Variants in ZSCAN23 observed in about 807,000 individuals in gnomAD.
The protein encoded by ZSCAN23 is zinc finger and SCAN domain-containing protein 23.
Under a neutral mutation model 19.3 loss-of-function variants are expected in ZSCAN23, and 19 were observed. That is an observed-to-expected ratio of 0.99 (90% CI 0.69 to 1.45). The LOEUF is 1.45. Among genes scored for constraint, ZSCAN23 ranks in the 40% most tolerant of loss-of-function variants. ZSCAN23 has a pLI of 0.00. For missense variants in ZSCAN23, 372 were observed against 462.5 expected, an observed-to-expected ratio of 0.80 and a Z score of 1.79; for synonymous variants, 140 against 166.2, an observed-to-expected ratio of 0.84 and a Z score of 1.21.
chr6:28,434,496 C>T lies in ZSCAN23; in HGVS notation c.1139G>A (p.Arg380Gln), dbSNP rs145918786. 3.7e-5 allele frequency: 57 copies of T among 1,548,752 alleles called. No individual in the cohort carries two copies. The East Asian group carries it at 6.1e-4, about 17-fold the overall frequency. ...FIYHCNLIQH[R>Q]KVHPVAESS Reference sequence around the variant, plus strand: ...TGATTCAGCCACTGGGTGGACTTTCCGATGCTGGATTAGGTTGCAATGGTA... The same window carrying T: ...TGATTCAGCCACTGGGTGGACTTTCTGATGCTGGATTAGGTTGCAATGGTA... Residue 380 changes from arginine (R) to glutamine (Q), a missense_variant, in exon 4 of 4, where the codon CGG (arginine) becomes CAG (glutamine). Transcript: ENST00000289788.
At chr6:28,442,104 C>A (rs529160273) in intron 1 of ZSCAN23, among the ~76,000 whole-genome samples, 5 of 151,942 alleles carry the variant, frequency 3.3e-5, no homozygotes, top group Non-Finnish European at 1.5e-5. Flanking sequence ...CTCGAACTCC[C>A]GACCTCACGT....
At chr6:28,438,605 T>C (rs139780700) in intron 1 of ZSCAN23, among the ~76,000 whole-genome samples, 5 of 152,226 alleles carry the variant, frequency 3.3e-5, no homozygotes, top group Middle Eastern at 3.4e-3. Context: ...GAAGCAAACA[T>C]GTCCTTCTTC....
At chr6:28,422,679 T>C in the ZSCAN23 span, among the ~76,000 whole-genome samples, 3 of 151,632 alleles carry the variant, frequency 2.0e-5, no homozygotes, top group African/African-American at 7.3e-5. The surrounding 1 kb of genome is among the most constrained non-coding windows in gnomAD (Gnocchi z 4.0). Context: ...AACTGAACCA[T>C]GCAAGGTAAC....
the ZSCAN23 span, among the ~76,000 whole-genome samples, chr6:28,424,440 T>C: frequency 6.6e-5 from 10 of 152,318 alleles, no homozygotes; most frequent in African/African-American, 2.4e-4. Flanking sequence ...TGAAGTTTGC[T>C]GCATCAGTTG....
intron 1 of ZSCAN23, among the ~76,000 whole-genome samples, chr6:28,436,940 T>A (rs181113199): frequency 6.6e-6 from 1 of 152,338 alleles, no homozygotes; most frequent in East Asian, 1.9e-4. Context: ...TTGGGCTTCA[T>A]GTTTTGAGCC....
chr6:28,440,945 T>G (rs997662295), intron 1 of ZSCAN23, among the ~76,000 whole-genome samples: 1 of 152,208 alleles, frequency 6.6e-6, no homozygotes, highest in Non-Finnish European at 1.5e-5. Context: ...CTTCCCCAGT[T>G]TTTTGTAATA....
chr6:28,427,616 A>G (rs1280896785), downstream of ZSCAN23, among the ~76,000 whole-genome samples: 2 of 152,256 alleles, frequency 1.3e-5, no homozygotes. Flanking sequence ...GAAAAGGTAT[A>G]GTAAAAATAT....
At chr6:28,441,873 A>T (rs1433713321) in intron 1 of ZSCAN23, among the ~76,000 whole-genome samples, 2 of 130,822 alleles carry the variant, frequency 1.5e-5, no homozygotes, top group African/African-American at 5.9e-5. Flanking sequence ...TCTGGTTGTT[A>T]ATTTTTTTTT....
downstream of ZSCAN23, among the ~76,000 whole-genome samples, chr6:28,430,690 G>T (rs2114028902): frequency 6.6e-6 from 1 of 152,230 alleles, no homozygotes; most frequent in Admixed American, 6.5e-5. Flanking sequence ...ATGATCTTGA[G>T]TCAATTGCTG....
chr6:28,439,261 A>AT (rs34612580), intron 1 of ZSCAN23, among the ~76,000 whole-genome samples: 2 of 151,734 alleles, frequency 1.3e-5, no homozygotes, highest in Admixed American at 6.6e-5. Flanking sequence ...TAATTTTTGT[A>AT]TTTTTTTGGT....
intron 1 of ZSCAN23, among the ~76,000 whole-genome samples, chr6:28,440,784 T>C (rs1264048303): frequency 6.6e-6 from 1 of 152,210 alleles, no homozygotes; most frequent in Non-Finnish European, 1.5e-5. Context: ...TTATACAGTT[T>C]CCCAAATACA....
At chr6:28,429,856 C>G (rs1252698188), downstream of ZSCAN23, among the ~76,000 whole-genome samples, 1 of 152,116 alleles carries the variant, frequency 6.6e-6, no homozygotes, top group African/African-American at 2.4e-5. Context: ...TAGAAGAGAC[C>G]AGGACACCGC....
rs1761791775 is a variant in ZSCAN23, at chr6:28,433,045, C to G, written c.*1420G>C. On this transcript the variant is annotated 3_prime_UTR_variant, in exon 4 of 4. Transcript: ENST00000289788. Reference sequence around the variant, plus strand: ...TACTGAGTAAATTAAATTTTAAAAGCTAAAAATAATAATTACAAAAATAAA... The same window carrying G: ...TACTGAGTAAATTAAATTTTAAAAGGTAAAAATAATAATTACAAAAATAAA... The G allele has an allele frequency of 1.3e-5, 2 of 151,718 alleles. No individual in the cohort carries two copies. Among genetic ancestry groups the G allele is most frequent in the South Asian group, 4.2e-4 (2 of 4,808 alleles). 9.4% of individuals were successfully genotyped at this position (151,718 alleles called of 1,614,324 possible).
At chr6:28,442,343 A>C (rs903760911) in intron 1 of ZSCAN23, among the ~76,000 whole-genome samples, 1 of 152,262 alleles carries the variant, frequency 6.6e-6, no homozygotes, top group African/African-American at 2.4e-5. Flanking sequence ...ATAAACATGC[A>C]AATTAATCTT....
chr6:28,437,443 C>T (rs892397684), intron 1 of ZSCAN23, among the ~76,000 whole-genome samples: 10 of 152,118 alleles, frequency 6.6e-5, no homozygotes, highest in Admixed American at 2.6e-4. Context: ...ATTAGCTGGG[C>T]TTGGTGGCAC....
chr6:28,434,754 T>C lies in ZSCAN23; in HGVS notation c.881A>G (p.Gln294Arg). 6.2e-7 allele frequency: 1 copy of C among 1,603,080 alleles called. No homozygotes were observed. Among genetic ancestry groups the C allele is most frequent in the Non-Finnish European group, 8.5e-7 (1 of 1,174,554 alleles). ...RAFSQRSGLF[Q>R]HQRLHTGEKR... The stretch of plus-strand genomic sequence containing the variant: ...CTCCCCAGTGTGGAGTCTCTGGTGC[T>C]GGAATAGGCCTGACCTCTGGCTGAA... The change falls in exon 4 of 4, where the codon CAG becomes CGG. Residue 294 changes from glutamine (Q) to arginine (R), a missense_variant. Transcript: ENST00000289788.
chr6:28,422,758 T>C, the ZSCAN23 span, among the ~76,000 whole-genome samples: 1 of 152,086 alleles, frequency 6.6e-6, no homozygotes, highest in Non-Finnish European at 1.5e-5. The surrounding 1 kb of genome is among the most constrained non-coding windows in gnomAD (Gnocchi z 4.0). Flanking sequence ...AGAATCATAA[T>C]CCAGGCTAAA....
At chr6:28,423,149 C>A in the ZSCAN23 span, among the ~76,000 whole-genome samples, 1 of 152,066 alleles carries the variant, frequency 6.6e-6, no homozygotes. Context: ...GTGGAACACA[C>A]GATGGGAGGG....
chr6:28,438,689 C>T lies in ZSCAN23; in HGVS notation c.-77-2346G>A, dbSNP rs183886053. 1.1e-3 allele frequency among the ~76,000 whole-genome samples: 162 copies of T among 152,236 alleles called. 1 individual carries two copies. The highest frequency in any genetic ancestry group is 3.5e-3 in the African/African-American group (147 of 41,520). On this transcript the variant is annotated intron_variant, in intron 1 of 3. Coordinates refer to ENST00000289788, the MANE Select transcript of ZSCAN23 (RefSeq NM_001012455.2). ...ATAAAACCGTCAGATCTCATGAGAA[C>T]GCACTGTCACCAGAATAGCATGAAG...
Sources: gnomAD v4.1 joint callset for allele counts (sites outside exome capture counted in the v4.1 genomes callset) on GRCh38, gnomAD v4.1.1 for gene constraint, Gnocchi (gnomAD v3.1) non-coding constraint, MANE v1.5 for transcripts, NCBI Gene and HGNC (gene_info 2026-07-23, HGNC 2026-07-21) for gene names.